TEAD1: variants seen among roughly 807,000 people sequenced by gnomAD.
TEAD1 encodes the protein TEA domain transcription factor 1.
Under a neutral mutation model 54.9 loss-of-function variants are expected in TEAD1, and 9 were observed. The ratio of observed to expected loss-of-function variants is 0.16; its 90% CI spans 0.10 to 0.29. The LOEUF is 0.29. Among genes scored for constraint, TEAD1 ranks in the 10% least tolerant of loss-of-function variants. TEAD1 has a pLI of 1.00. For synonymous variants in TEAD1, 200 were observed against 187.8 expected (o/e 1.07, Z -0.53); for missense variants, 387 against 535.9 (o/e 0.72, Z 2.74).
At chr11:12,780,038 A>G (rs185473760) in intron 3 of TEAD1, among the ~76,000 whole-genome samples, 3 of 152,228 alleles carry the variant, frequency 2.0e-5, no homozygotes, top group Non-Finnish European at 2.9e-5. Flanking sequence ...CTTCCCTTCA[A>G]TATTATACTG....
chr11:12,904,270 TA>T (rs201485481), intron 10 of TEAD1, among the ~76,000 whole-genome samples: 2 of 145,248 alleles, frequency 1.4e-5, no homozygotes, highest in African/African-American at 2.6e-5. Flanking sequence ...ACATAAGTTT[TA>T]TCACATCAAG....
At chr11:12,774,288 C>A (rs1463975288) in intron 3 of TEAD1, among the ~76,000 whole-genome samples, 1 of 152,124 alleles carries the variant, frequency 6.6e-6, no homozygotes, top group African/African-American at 2.4e-5. Flanking sequence ...GATGAGGAAG[C>A]AAGGCACTGT....
chr11:12,911,408 T>C (rs1004164581), intron 10 of TEAD1, among the ~76,000 whole-genome samples: 11 of 152,212 alleles, frequency 7.2e-5, no homozygotes, highest in African/African-American at 2.2e-4. Context: ...GTCCTGTTGC[T>C]ATTCATGGAA....
intron 2 of TEAD1, among the ~76,000 whole-genome samples, chr11:12,752,213 G>GTTTT (rs35143229): frequency 0.024 from 2,401 of 100,818 alleles, 93 homozygotes; most frequent in African/African-American, 0.084. Context: ...AAACAGGGCA[G>GTTTT]TTTTTTTTTT....
At chr11:12,826,834 G>T (rs560539271) in intron 3 of TEAD1, among the ~76,000 whole-genome samples, 2 of 152,188 alleles carry the variant, frequency 1.3e-5, no homozygotes, top group Non-Finnish European at 2.9e-5. Flanking sequence ...GACTCTAGAG[G>T]TTCCTGAACT....
chr11:12,764,264 G>T lies in TEAD1; in HGVS notation c.32G>T (p.Ser11Ile), dbSNP rs764531349. Residue 11 changes from serine (S) to isoleucine (I), a missense_variant, in exon 3 of 13, where the codon AGC becomes ATC. Ser to Ile is a moderately radical substitution (Grantham distance 142). Around this residue, in one of 5 missense-constraint regions of TEAD1, gnomAD observed 55 missense variants for 50.4 expected, o/e 1.09. Coordinates refer to ENST00000527636, the MANE Select transcript of TEAD1 (RefSeq NM_021961.6). Reference sequence around the variant, plus strand: ...CCCAGCAGCTGGAGCGGCAGTGAGAGCCCTGCCGAAAACATGGAAAGGATG... The same window carrying T: ...CCCAGCAGCTGGAGCGGCAGTGAGATCCCTGCCGAAAACATGGAAAGGATG... The T allele has an allele frequency of 1.1e-5, 17 of 1,614,132 alleles. No individual in the cohort carries two copies. The highest frequency in any genetic ancestry group is 1.4e-5 in the Non-Finnish European group (17 of 1,180,014).
At chr11:12,829,054 G>A (rs774271163) in intron 3 of TEAD1, among the ~76,000 whole-genome samples, 5 of 152,010 alleles carry the variant, frequency 3.3e-5, no homozygotes, top group Non-Finnish European at 4.4e-5. Context: ...TAGCCCCCTC[G>A]CCCTTAAGAG....
chr11:12,877,992 A>T (rs764351083), intron 5 of TEAD1, among the ~76,000 whole-genome samples: 33 of 151,494 alleles, frequency 2.2e-4, no homozygotes, highest in Admixed American at 1.4e-3. Context: ...GTGTGTGTGG[A>T]GACAGGGTCT....
In TEAD1 at chr11:12,764,363, A is replaced by G. The variant is rs1945160154; in HGVS notation, c.131A>G (p.Gln44Arg). Reference sequence around the variant, plus strand: ...AGCCCCGACATCGAGCAAAGCTTTCAGGAGGCCCTGGCTATCTATCCACCA... The same window carrying G: ...AGCCCCGACATCGAGCAAAGCTTTCGGGAGGCCCTGGCTATCTATCCACCA... The change falls in exon 3 of 13, where the codon CAG (glutamine) becomes CGG (arginine). Residue 44 changes from glutamine (Q) to arginine (R), a missense_variant. Physicochemically the swap from Gln to Arg is conservative, Grantham distance 43. Around this residue, in one of 5 missense-constraint regions of TEAD1, gnomAD observed 7 missense variants for 62.7 expected, o/e 0.11. Transcript: ENST00000527636. The G allele has an allele frequency of 6.2e-7, 1 of 1,614,074 alleles. No individual in the cohort carries two copies. Among genetic ancestry groups the G allele is most frequent in the Admixed American group, 1.7e-5 (1 of 60,002 alleles).
At chr11:12,776,760 A>ATTT (rs980108563) in intron 3 of TEAD1, among the ~76,000 whole-genome samples, 6 of 30,416 alleles carry the variant, frequency 2.0e-4, no homozygotes, top group Non-Finnish European at 3.5e-4. Context: ...TTGGATATTT[A>ATTT]TTATTATTAT....
At chr11:12,746,193 C>T (rs116870826) in intron 2 of TEAD1, among the ~76,000 whole-genome samples, 1,737 of 152,214 alleles carry the variant, frequency 0.011, 28 homozygotes, top group Admixed American at 0.016. Context: ...GAGAGTAGCA[C>T]GGGAATGAAC....
intron 9 of TEAD1, among the ~76,000 whole-genome samples, chr11:12,884,489 A>G (rs1005060454): frequency 1.3e-5 from 2 of 152,206 alleles, no homozygotes; most frequent in Non-Finnish European, 2.9e-5. Flanking sequence ...GAGATGCTGA[A>G]CAATTGGAGG....
At chr11:12,909,459 G>A (rs757030993) in intron 10 of TEAD1, among the ~76,000 whole-genome samples, 13 of 149,600 alleles carry the variant, frequency 8.7e-5, no homozygotes, top group Non-Finnish European at 1.8e-4. Context: ...TCACTCATAA[G>A]TGGGAGTTGA....
At chr11:12,779,627 A>C (rs1945504014) in intron 3 of TEAD1, among the ~76,000 whole-genome samples, 1 of 152,226 alleles carries the variant, frequency 6.6e-6, no homozygotes, top group Non-Finnish European at 1.5e-5. Flanking sequence ...AAATCAGACA[A>C]AGATATCATG....
chr11:12,679,940 G>A (rs1943181089), intron 2 of TEAD1, among the ~76,000 whole-genome samples: 1 of 152,128 alleles, frequency 6.6e-6, no homozygotes, highest in South Asian at 2.1e-4. Context: ...ATAACCTGAT[G>A]CTACACACTG....
intron 2 of TEAD1, among the ~76,000 whole-genome samples, chr11:12,698,538 C>T (rs1181552112): frequency 6.6e-6 from 1 of 151,032 alleles, no homozygotes; most frequent in African/African-American, 2.4e-5. Context: ...ATATTGATTC[C>T]TGCTGTTCAT....
At chr11:12,911,206 G>T (rs1422130231) in intron 10 of TEAD1, among the ~76,000 whole-genome samples, 3 of 152,228 alleles carry the variant, frequency 2.0e-5, no homozygotes, top group African/African-American at 7.2e-5. Context: ...TGGTAGAAAT[G>T]AAATCACATT....
chr11:12,790,813 G>A (rs1945785254), intron 3 of TEAD1, among the ~76,000 whole-genome samples: 1 of 152,194 alleles, frequency 6.6e-6, no homozygotes, highest in Non-Finnish European at 1.5e-5. Context: ...ACCCCAGTGA[G>A]TTACCACTTC....
rs80314629 is a variant in TEAD1, at chr11:12,681,168, C to T, written c.-55+5607C>T. Reference sequence around the variant, plus strand: ...TTGAAATCCTGGGCACTTAGAAGACCTTGTCATGTATTGTCATTGAGAGAA... The same window carrying T: ...TTGAAATCCTGGGCACTTAGAAGACTTTGTCATGTATTGTCATTGAGAGAA... On this transcript the variant is annotated intron_variant, in intron 2 of 12. Transcript: ENST00000527636. 7.5e-3 allele frequency among the ~76,000 whole-genome samples: 1,144 copies of T among 152,228 alleles called. 14 individuals carry two copies. Among genetic ancestry groups the T allele is most frequent in the African/African-American group, 0.026 (1,097 of 41,538 alleles).
Sources: gnomAD v4.1 joint callset for allele counts (sites outside exome capture counted in the v4.1 genomes callset) on GRCh38, gnomAD v4.1.1 for gene constraint, gnomAD v4.1.1 regional missense constraint, MANE v1.5 for transcripts, NCBI Gene and HGNC (gene_info 2026-07-23, HGNC 2026-07-21) for gene names.